Variants in ZNF490 observed in about 807,000 individuals in gnomAD.
ZNF490 encodes zinc finger protein 490.
Under a neutral mutation model 17.7 loss-of-function variants are expected in ZNF490, and 11 were observed. That is an observed-to-expected ratio of 0.62 (90% CI 0.39 to 1.03). The LOEUF (loss-of-function observed/expected upper bound fraction) is 1.03. Among genes scored for constraint, ZNF490 ranks in the 50% least tolerant of loss-of-function variants. The probability of loss-of-function intolerance (pLI) is 0.00; values close to 1 mark genes in which losing one functional copy is unlikely to be tolerated. For missense variants in ZNF490, 542 were observed against 643.4 expected (o/e 0.84, Z 1.71); for synonymous variants, 222 against 216.1 (o/e 1.03, Z -0.24).
chr19:12,602,079 T>TATATACACAC (rs778812676), intron 2 of ZNF490, among the ~76,000 whole-genome samples: 2 of 68,596 alleles, frequency 2.9e-5, no homozygotes, highest in Admixed American at 1.5e-4. Flanking sequence ...GTTCACTATA[T>TATATACACAC]ACACACACAC....
intron 2 of ZNF490, among the ~76,000 whole-genome samples, chr19:12,607,845 T>A (rs905994627): frequency 5.3e-5 from 8 of 151,988 alleles, no homozygotes; most frequent in African/African-American, 1.9e-4. Flanking sequence ...CGGGTTTTGG[T>A]AGACAGGAAG....
rs950482549 is a variant in ZNF490 at position 12,576,349 on chromosome 19, TA to T, written c.*4135del. ...GGTGAAACCCCGTCTCTACTAAAAA[TA>T]AAAAAACTAGCTCGGTATGGTGGCA... On this transcript the variant is annotated 3_prime_UTR_variant, in exon 5 of 5. Coordinates refer to ENST00000311437, the MANE Select transcript of ZNF490 (RefSeq NM_020714.3). Among the ~76,000 whole-genome samples, 5 of 151,018 alleles carry T rather than the reference TA, an allele frequency of 3.3e-5. No homozygotes were observed. Among genetic ancestry groups the T allele is most frequent in the African/African-American group, 1.2e-4 (5 of 41,000 alleles).
At position 12,576,376 on chromosome 19, in the gene ZNF490, C is replaced by T. The variant is rs973649556; in HGVS notation, c.*4109G>A. Among the ~76,000 whole-genome samples the T allele has an allele frequency of 6.6e-6, 1 of 151,572 alleles. No homozygotes were observed. The highest frequency in any genetic ancestry group is 1.5e-5 in the Non-Finnish European group (1 of 67,940). On this transcript the variant is annotated 3_prime_UTR_variant, in exon 5 of 5. Coordinates refer to ENST00000311437, the MANE Select transcript of ZNF490 (RefSeq NM_020714.3). ...AAAAAACTAGCTCGGTATGGTGGCA[C>T]GCGCCTGTAATCCCAGCTACTCAGG...
In ZNF490 at chr19:12,577,241, ACAT is replaced by A. The variant is rs987711679; in HGVS notation, c.*3241_*3243del. On this transcript the variant is annotated 3_prime_UTR_variant, in exon 5 of 5. Transcript: ENST00000311437. ...ACATACACAAAAGGGTTTTACAAAAACATCATCATAGACCCACATATACTTGTC... is the reference window on the plus strand; with the variant it reads ...ACATACACAAAAGGGTTTTACAAAAACATCATAGACCCACATATACTTGTC... Among the ~76,000 whole-genome samples the A allele has an allele frequency of 5.3e-5, 8 of 152,164 alleles. No individual in the cohort carries two copies. The highest frequency in any genetic ancestry group is 7.3e-5 in the Non-Finnish European group (5 of 68,030).
chr19:12,605,838 C>A (rs1481028464), intron 2 of ZNF490, among the ~76,000 whole-genome samples: 1 of 151,966 alleles, frequency 6.6e-6, no homozygotes, highest in East Asian at 1.9e-4. Flanking sequence ...GTTTTCCTAT[C>A]CCTTTAAGAA....
In ZNF490 at chr19:12,585,509, C is replaced by T. The variant is rs2022800178; in HGVS notation, c.163-1953G>A. The stretch of plus-strand genomic sequence containing the variant: ...AAGAGAGGGTCCATTACCCTTATCA[C>T]TCATGAAATTCCAAGAGATTTAGGA... On this transcript the variant is annotated intron_variant, in intron 2 of 4. Transcript: ENST00000311437. Among the ~76,000 whole-genome samples, 2 of 93,026 alleles carry T rather than the reference C, an allele frequency of 2.1e-5. 1 individual carries two copies. Among genetic ancestry groups the T allele is most frequent in the African/African-American group, 6.4e-5 (2 of 31,034 alleles). 61.0% of individuals were successfully genotyped at this position (93,026 alleles called of 152,430 possible). A position where few individuals can be genotyped will look rare whatever the true frequency, so the allele number is the denominator to read the frequency against.
chr19:12,593,204 T>C (rs1348759380), intron 2 of ZNF490, among the ~76,000 whole-genome samples: 1 of 151,780 alleles, frequency 6.6e-6, no homozygotes, highest in African/African-American at 2.4e-5. Flanking sequence ...TTGACTTATA[T>C]GGCTAGCCGT....
Position 12,578,813 on chromosome 19 carries a change from C to T in ZNF490, c.*1672G>A. 1 of 985,462 alleles carries T rather than the reference C, an allele frequency of 1.0e-6. No homozygotes were observed. Among genetic ancestry groups the T allele is most frequent in the Non-Finnish European group, 1.2e-6 (1 of 829,964 alleles). The allele number at this position is 985,462 out of a possible 1,614,324, so 61.0% of individuals were successfully genotyped here. ...ACTTCTGACTGGATGCCACAAAAGG[C>T]CTGCTGGGGCCCAAGTCCTTCTTCC... On this transcript the variant is annotated 3_prime_UTR_variant, in exon 5 of 5. Transcript: ENST00000311437.
chr19:12,595,125 C>T, intron 2 of ZNF490, among the ~76,000 whole-genome samples: 1 of 152,022 alleles, frequency 6.6e-6, no homozygotes, highest in East Asian at 1.9e-4. Flanking sequence ...AAGCCAAGCA[C>T]ATGCAGTGTC....
intron 2 of ZNF490, among the ~76,000 whole-genome samples, chr19:12,591,889 T>A (rs530635023): frequency 6.6e-6 from 1 of 152,050 alleles, no homozygotes; most frequent in East Asian, 1.9e-4. Flanking sequence ...TCCTAGGTAT[T>A]TACTAAAAAG....
intron 2 of ZNF490, among the ~76,000 whole-genome samples, chr19:12,588,007 T>C (rs2145146936): frequency 1.1e-5 from 1 of 94,982 alleles, no homozygotes; most frequent in Non-Finnish European, 2.8e-5. Flanking sequence ...GTAGCTGGAA[T>C]TGCAGGCACC....
rs1163631054 is a variant in ZNF490 at position 12,584,992 on chromosome 19, G to A, written c.163-1436C>T. On this transcript the variant is annotated intron_variant, in intron 2 of 4. Transcript: ENST00000311437. ...CTGTACTCATGAAGGTTTATTACTC[G>A]CATGCTTGAGCTCTCAGGCAAAGCT... Among the ~76,000 whole-genome samples the A allele has an allele frequency of 1.2e-4, 11 of 93,708 alleles. 3 individuals carry two copies. Among genetic ancestry groups the A allele is most frequent in the African/African-American group, 3.5e-4 (11 of 31,260 alleles). The allele number at this position is 93,708 out of a possible 152,430, so 61.5% of individuals were successfully genotyped here.
Position 12,577,529 on chromosome 19 carries a change from G to GA in ZNF490, c.*2955dup. On this transcript the variant is annotated 3_prime_UTR_variant, in exon 5 of 5. Coordinates refer to ENST00000311437, the MANE Select transcript of ZNF490 (RefSeq NM_020714.3). ...CATAAATGTTCCTGGTGAGAGAAGC[G>GA]AATGTTCCTGGTGAGAGAAGCGAAG... The GA allele has an allele frequency of 3.5e-6, 2 of 579,416 alleles. No homozygotes were observed. Among genetic ancestry groups the GA allele is most frequent in the Non-Finnish European group, 3.9e-6 (2 of 512,062 alleles). 35.9% of individuals were successfully genotyped at this position (579,416 alleles called of 1,614,324 possible).
chr19:12,581,455 G>C lies in ZNF490; in HGVS notation c.620C>G (p.Ser207Cys). ...AATTCTTTCATGGGTTCGAATACTGGAGCTGCGAGTGAAGGTTTTCCCACA... is the reference window on the plus strand; with the variant it reads ...AATTCTTTCATGGGTTCGAATACTGCAGCTGCGAGTGAAGGTTTTCCCACA... ...KECGKTFTRS[S>C]SIRTHERIHT... The change falls in exon 5 of 5, where the codon TCC (serine) becomes TGC (cysteine). Residue 207 changes from serine to cysteine, a missense_variant. Physicochemically the swap from Ser to Cys is moderately radical, Grantham distance 112 (BLOSUM62 -1). Transcript: ENST00000311437. 1 of 1,614,220 alleles carries C rather than the reference G, an allele frequency of 6.2e-7. No homozygotes were observed. The highest frequency in any genetic ancestry group is 2.2e-5 in the East Asian group (1 of 44,890).
rs1555701462 is a variant in ZNF490 at position 12,602,127 on chromosome 19, C to CGCACACACAT, written c.162+7030_162+7031insATGTGTGTGC. Among the ~76,000 whole-genome samples, 81 of 141,988 alleles carry CGCACACACAT rather than the reference C, an allele frequency of 5.7e-4. 2 individuals carry two copies. Among genetic ancestry groups the CGCACACACAT allele is most frequent in the Non-Finnish European group, 1.1e-3 (71 of 65,318 alleles). The allele number at this position is 141,988 out of a possible 152,430, so 93.1% of individuals were successfully genotyped here. On this transcript the variant is annotated intron_variant, in intron 2 of 4. Transcript: ENST00000311437. ...ACACACACACACACACACACACACACATATATGGGCCTATTTCTGGAATTT... is the reference window on the plus strand; with the variant it reads ...ACACACACACACACACACACACACACGCACACACATATATATGGGCCTATTTCTGGAATTT...
chr19:12,597,913 T>G (rs2022954604), intron 2 of ZNF490, among the ~76,000 whole-genome samples: 2 of 151,990 alleles, frequency 1.3e-5, no homozygotes, highest in Non-Finnish European at 2.9e-5. Flanking sequence ...TCTACAAAAT[T>G]AAAAATTAAA....
intron 2 of ZNF490, among the ~76,000 whole-genome samples, chr19:12,589,914 T>TATG (rs1568279795): frequency 6.5e-3 from 210 of 32,498 alleles, no homozygotes; most frequent in African/African-American, 0.013. Context: ...ATGTATGTAT[T>TATG]TATTTATTTA....
At chr19:12,609,302 T>A in intron 1 of ZNF490, 100 bp from the exon 2 acceptor site, 1 of 967,068 alleles carries the variant, frequency 1.0e-6, no homozygotes, top group Middle Eastern at 3.0e-4. Flanking sequence ...TGCATCTACC[T>A]GTACACACAG....
At chr19:12,582,973 C>G (rs1053124676) in intron 3 of ZNF490, 63 bp from the exon 4 acceptor site, 1 of 1,340,996 alleles carries the variant, frequency 7.5e-7, no homozygotes, top group Non-Finnish European at 1.1e-6. Context: ...TTATAACACT[C>G]TAAGATCCAT....
Sources: gnomAD v4.1 joint callset for allele counts (sites outside exome capture counted in the v4.1 genomes callset) on GRCh38, gnomAD v4.1.1 for gene constraint, MANE v1.5 for transcripts, NCBI Gene and HGNC (gene_info 2026-07-23, HGNC 2026-07-21) for gene names.